The following CENPW variants were observed in gnomAD, a reference collection of about 807,000 sequenced individuals.
The protein encoded by CENPW is cancer-up-regulated gene 2 protein.
In CENPW, 3 loss-of-function variants were observed where a neutral mutation model predicts 11.1. That is an observed-to-expected ratio of 0.27 (90% confidence interval 0.12 to 0.70). The LOEUF is 0.70. Ranked by LOEUF, CENPW falls within the 30% of genes least tolerant of loss-of-function variation. The pLI, the probability that CENPW is intolerant of heterozygous loss-of-function variation, is 0.77. For synonymous variants in CENPW, 38 were observed against 42.0 expected, an observed-to-expected ratio of 0.91 and a Z score of 0.37; for missense variants, 100 against 105.6, an observed-to-expected ratio of 0.95 and a Z score of 0.23.
the CENPW span, among the ~76,000 whole-genome samples, chr6:126,384,298 C>T: frequency 2.2e-4 from 33 of 151,986 alleles, no homozygotes; most frequent in African/African-American, 7.2e-4. Context: ...TTATATGGAA[C>T]CAAAAAAGAG....
the CENPW span, among the ~76,000 whole-genome samples, chr6:126,394,412 T>G: frequency 6.6e-6 from 1 of 152,032 alleles, no homozygotes; most frequent in Non-Finnish European, 1.5e-5. Context: ...AACAACTAAC[T>G]GGCAAAAAGA....
chr6:126,467,306 T>C, the CENPW span, among the ~76,000 whole-genome samples: 10 of 152,034 alleles, frequency 6.6e-5, no homozygotes, highest in African/African-American at 2.4e-4. Context: ...CATAGACCAA[T>C]GGAACAGAAT....
chr6:126,366,866 A>G, the CENPW span, among the ~76,000 whole-genome samples: 21 of 152,266 alleles, frequency 1.4e-4, no homozygotes, highest in African/African-American at 5.1e-4. Context: ...TCTTCTTGCT[A>G]TCTCATCTGA....
chr6:126,466,989 A>G, the CENPW span, among the ~76,000 whole-genome samples: 1 of 152,306 alleles, frequency 6.6e-6, no homozygotes, highest in Admixed American at 6.5e-5. Flanking sequence ...TGCTCAAAGA[A>G]ATCAGAGATG....
chr6:126,440,943 GAT>G, the CENPW span, among the ~76,000 whole-genome samples: 1 of 151,418 alleles, frequency 6.6e-6, no homozygotes, highest in Admixed American at 6.6e-5. Flanking sequence ...CACAACGGAA[GAT>G]ATTTATTTGA....
At chr6:126,355,457 T>C in the CENPW span, among the ~76,000 whole-genome samples, 1 of 152,174 alleles carries the variant, frequency 6.6e-6, no homozygotes, top group African/African-American at 2.4e-5. Flanking sequence ...TCATAACTAA[T>C]AGGTACTTTA....
chr6:126,349,417 T>C (rs1780465429), downstream of CENPW, among the ~76,000 whole-genome samples: 1 of 152,182 alleles, frequency 6.6e-6, no homozygotes. Flanking sequence ...CTTTGTGCTA[T>C]CCTTTTACAA....
downstream of CENPW, among the ~76,000 whole-genome samples, chr6:126,352,236 A>C (rs1780500233): frequency 6.6e-6 from 1 of 152,110 alleles, no homozygotes; most frequent in Non-Finnish European, 1.5e-5. Flanking sequence ...TGTTGCAGCA[A>C]ATACTGTGTC....
chr6:126,411,708 C>T, the CENPW span, among the ~76,000 whole-genome samples: 1 of 152,064 alleles, frequency 6.6e-6, no homozygotes, highest in Non-Finnish European at 1.5e-5. Flanking sequence ...AAGGAATGCT[C>T]TGGAGGTTTG....
chr6:126,387,557 TA>T, the CENPW span, among the ~76,000 whole-genome samples: 1 of 151,922 alleles, frequency 6.6e-6, no homozygotes, highest in African/African-American at 2.4e-5. Flanking sequence ...CTTCCTACCT[TA>T]AAATTTTAAG....
chr6:126,472,207 A>G, the CENPW span, among the ~76,000 whole-genome samples: 1 of 152,166 alleles, frequency 6.6e-6, no homozygotes, highest in Non-Finnish European at 1.5e-5. Context: ...ATAAAAATTG[A>G]TAAGTTTTAG....
At chr6:126,419,395 T>C in the CENPW span, among the ~76,000 whole-genome samples, 1 of 152,210 alleles carries the variant, frequency 6.6e-6, no homozygotes, top group Non-Finnish European at 1.5e-5. Context: ...TAAACAATTA[T>C]TCACTCAATT....
the CENPW span, among the ~76,000 whole-genome samples, chr6:126,439,180 C>T: frequency 2.2e-4 from 33 of 151,748 alleles, no homozygotes; most frequent in African/African-American, 7.2e-4. Flanking sequence ...CTCTGTTAAA[C>T]TGTAGATTCT....
the CENPW span, among the ~76,000 whole-genome samples, chr6:126,390,060 C>T: frequency 6.6e-6 from 1 of 151,926 alleles, no homozygotes; most frequent in African/African-American, 2.4e-5. Flanking sequence ...CATATTTCTG[C>T]AAAAGCCAGA....
At chr6:126,444,053 CTT>C in the CENPW span, among the ~76,000 whole-genome samples, 2 of 135,578 alleles carry the variant, frequency 1.5e-5, no homozygotes, top group African/African-American at 2.7e-5. Context: ...TCAATCAGGT[CTT>C]TTTTTTTTTT....
the CENPW span, among the ~76,000 whole-genome samples, chr6:126,395,342 A>T: frequency 6.6e-6 from 1 of 152,072 alleles, no homozygotes; most frequent in Non-Finnish European, 1.5e-5. Flanking sequence ...GTTCTTCAGT[A>T]TGCCAGTTGC....
the CENPW span, among the ~76,000 whole-genome samples, chr6:126,460,425 G>A: frequency 6.6e-6 from 1 of 151,624 alleles, no homozygotes; most frequent in East Asian, 1.9e-4. Flanking sequence ...TTGCACAATT[G>A]CTTTCCTGTG....
At chr6:126,378,695 A>G in the CENPW span, among the ~76,000 whole-genome samples, 1 of 152,200 alleles carries the variant, frequency 6.6e-6, no homozygotes. Flanking sequence ...AAAGTCCAGA[A>G]CAGGAGGATG....
chr6:126,414,427 C>CT, the CENPW span, among the ~76,000 whole-genome samples: 1 of 152,090 alleles, frequency 6.6e-6, no homozygotes, highest in Middle Eastern at 3.2e-3. Flanking sequence ...TCAACAAATC[C>CT]TTTTTAAAAT....
Sources: allele counts gnomAD v4.1 joint callset (sites outside exome capture counted in the v4.1 genomes callset), GRCh38; gene constraint gnomAD v4.1.1; transcripts MANE v1.5; gene names NCBI Gene and HGNC (gene_info 2026-07-23, HGNC 2026-07-21).